The following CDCP1 variants were observed in gnomAD, a reference collection of about 807,000 sequenced individuals.
CDCP1 encodes CUB domain containing protein 1.
In CDCP1, 29 loss-of-function variants were observed where a neutral mutation model predicts 60.2. The observed-to-expected ratio is 0.48, with a 90% CI of 0.36 to 0.66. The LOEUF is 0.66. CDCP1 is among the 30% of genes least tolerant of loss of function. The probability of loss-of-function intolerance (pLI) is 0.00; values close to 1 mark genes in which losing one functional copy is unlikely to be tolerated. For missense variants in CDCP1, 876 were observed against 1,074.3 expected (o/e 0.82, Z 2.58); for synonymous variants, 387 against 431.1 (o/e 0.90, Z 1.27).
intron 1 of CDCP1, among the ~76,000 whole-genome samples, chr3:45,119,269 G>T (rs1345996635): frequency 6.6e-6 from 1 of 152,238 alleles, no homozygotes; most frequent in African/African-American, 2.4e-5. Flanking sequence ...TCAAGCAAGT[G>T]AGGTGGGGGT....
At chr3:45,088,103 A>G (rs1698231130) in intron 8 of CDCP1, among the ~76,000 whole-genome samples, 1 of 152,156 alleles carries the variant, frequency 6.6e-6, no homozygotes, top group South Asian at 2.1e-4. Context: ...CTCTCCCATG[A>G]CTTTAGTCAG....
At chr3:45,096,170 G>T (rs2125991549) in intron 4 of CDCP1, among the ~76,000 whole-genome samples, 1 of 152,340 alleles carries the variant, frequency 6.6e-6, no homozygotes, top group South Asian at 2.1e-4. Context: ...ATTAGTAAAA[G>T]AATGAACTCT....
Position 45,085,720 on chromosome 3 carries a change from T to C in CDCP1, c.2429A>G (p.His810Arg), listed in dbSNP as rs1698177210. 1.9e-6 allele frequency: 3 copies of C among 1,614,136 alleles called. No homozygotes were observed. Among genetic ancestry groups the C allele is most frequent in the Non-Finnish European group, 2.5e-6 (3 of 1,180,030 alleles). Residue 810 changes from histidine to arginine, a missense_variant, in exon 9 of 9, where the codon CAT (histidine) becomes CGT (arginine). Physicochemically the swap from His to Arg is conservative, Grantham distance 29. Around this residue, in one of 2 missense-constraint regions of CDCP1, gnomAD observed 726 missense variants for 935.7 expected, o/e 0.78. Coordinates refer to ENST00000296129, the MANE Select transcript of CDCP1 (RefSeq NM_022842.5). The surrounding 1 kb of genome is among the most constrained non-coding windows in gnomAD (Gnocchi z 4.2). ...GCTGCTTACATCCCCATTGTTGGGA[T>C]GGGAGAAGGTGTACGGTTCACTCTC... ...ESESEPYTFS[H>R]PNNGDVSSKD...
intron 4 of CDCP1, among the ~76,000 whole-genome samples, chr3:45,099,245 T>G (rs1698451912): frequency 6.6e-6 from 1 of 152,156 alleles, no homozygotes; most frequent in East Asian, 1.9e-4. Context: ...ATGTCTTTAT[T>G]CCACCTTCAC....
intron 2 of CDCP1, among the ~76,000 whole-genome samples, chr3:45,116,239 TA>T (rs59177609): frequency 0.011 from 1,562 of 144,482 alleles, 20 homozygotes; most frequent in African/African-American, 0.017. Context: ...ACTGTTCTGT[TA>T]AAAAAAAAAA....
rs775980031 is a variant in CDCP1, at chr3:45,118,558, G to A, written c.146C>T (p.Pro49Leu). The A allele has an allele frequency of 5.6e-6, 9 of 1,613,966 alleles. No homozygotes were observed. The highest frequency in any genetic ancestry group is 1.7e-5 in the Admixed American group (1 of 60,006). Residue 49 changes from proline to leucine, a missense_variant, in exon 2 of 9, where the codon CCG (proline) becomes CTG (leucine). Pro to Leu is a moderately conservative substitution (Grantham distance 98). This residue lies in a region of CDCP1 where 150 missense variants were observed against 138.6 expected (regional missense o/e 1.08). Transcript: ENST00000296129. Reference sequence around the variant, plus strand: ...GTAACAGGGTTTTGCCAGCAGAGTCGGGGTCCCCAGCTTTATGAGAACTGT... The same window carrying A: ...GTAACAGGGTTTTGCCAGCAGAGTCAGGGTCCCCAGCTTTATGAGAACTGT... ...NITVLIKLGT[P>L]TLLAKPCYIV...
At chr3:45,114,413 CTTTTT>C (rs10688307) in intron 2 of CDCP1, among the ~76,000 whole-genome samples, 1 of 143,946 alleles carries the variant, frequency 6.9e-6, no homozygotes, top group Non-Finnish European at 1.5e-5. Context: ...CATTAACTCT[CTTTTT>C]TTTTTTTTTC....
chr3:45,134,187 C>G (rs1015985469), intron 1 of CDCP1, among the ~76,000 whole-genome samples: 1 of 151,358 alleles, frequency 6.6e-6, no homozygotes, highest in South Asian at 2.1e-4. Flanking sequence ...TGCAGTGGTG[C>G]GATCTATGCT....
chr3:45,135,756 C>T (rs1699181344), intron 1 of CDCP1, among the ~76,000 whole-genome samples: 1 of 152,094 alleles, frequency 6.6e-6, no homozygotes, highest in African/African-American at 2.4e-5. Context: ...AATATTTTGT[C>T]CTCCTCTTTC....
At chr3:45,132,025 G>A (rs1375735033) in intron 1 of CDCP1, among the ~76,000 whole-genome samples, 1 of 152,140 alleles carries the variant, frequency 6.6e-6, no homozygotes, top group East Asian at 1.9e-4. Context: ...TCTGAGGTCA[G>A]GAGTTCGAGA....
At chr3:45,141,471 T>C (rs1699289538) in intron 1 of CDCP1, among the ~76,000 whole-genome samples, 1 of 152,212 alleles carries the variant, frequency 6.6e-6, no homozygotes, top group African/African-American at 2.4e-5. Context: ...TTTTCCCACA[T>C]AAAATAATGG....
At position 45,085,571 on chromosome 3, in the gene CDCP1, G is replaced by C; in HGVS notation, c.*67C>G. ...TCCTCTTCTTTAGGATTTCTGGTTA[G>C]GAACACGGACGGGTGTCTCAGTGCC... On this transcript the variant is annotated 3_prime_UTR_variant, in exon 9 of 9. Coordinates refer to ENST00000296129, the MANE Select transcript of CDCP1 (RefSeq NM_022842.5). The surrounding 1 kb of genome is among the most constrained non-coding windows in gnomAD (Gnocchi z 4.2). 1 of 1,474,960 alleles carries C rather than the reference G, an allele frequency of 6.8e-7. No individual in the cohort carries two copies. The highest frequency in any genetic ancestry group is 9.2e-7 in the Non-Finnish European group (1 of 1,088,246). The allele number at this position is 1,474,960 out of a possible 1,614,324, so 91.4% of individuals were successfully genotyped here.
intron 5 of CDCP1, among the ~76,000 whole-genome samples, chr3:45,094,368 G>A (rs1698359663): frequency 6.6e-6 from 1 of 152,070 alleles, no homozygotes; most frequent in African/African-American, 2.4e-5. Flanking sequence ...TAGGATTACA[G>A]GCACCCAACA....
intron 1 of CDCP1, among the ~76,000 whole-genome samples, chr3:45,145,492 G>A (rs1009289507): frequency 6.6e-6 from 1 of 152,092 alleles, no homozygotes; most frequent in Admixed American, 6.5e-5. Context: ...ACATATCCCC[G>A]GAACAACAGC....
At chr3:45,120,720 TC>T (rs1281447334) in intron 1 of CDCP1, among the ~76,000 whole-genome samples, 1 of 152,212 alleles carries the variant, frequency 6.6e-6, no homozygotes, top group Non-Finnish European at 1.5e-5. Context: ...GTCACTGTGT[TC>T]AGGCCAGTCT....
At chr3:45,092,303 T>C (rs1217586119) in intron 6 of CDCP1, among the ~76,000 whole-genome samples, 2 of 152,240 alleles carry the variant, frequency 1.3e-5, no homozygotes, top group Admixed American at 6.5e-5. Flanking sequence ...TATTCATCTA[T>C]TGCCCTCTCC....
At chr3:45,128,994 G>A (rs1699045193) in intron 1 of CDCP1, among the ~76,000 whole-genome samples, 1 of 152,236 alleles carries the variant, frequency 6.6e-6, no homozygotes, top group Non-Finnish European at 1.5e-5. Context: ...TGGGATTACA[G>A]GCGTGAGACA....
At position 45,084,944 on chromosome 3, in the gene CDCP1, C is replaced by T. The variant is rs779408049; in HGVS notation, c.*694G>A. The stretch of plus-strand genomic sequence containing the variant: ...TTTCCACAATGGGATAACCACGAAC[C>T]GACCTAGAGAATCAGGAAGTCTCTT... On this transcript the variant is annotated 3_prime_UTR_variant, in exon 9 of 9. Transcript: ENST00000296129. 1.3e-5 allele frequency: 2 copies of T among 152,692 alleles called. No homozygotes were observed. Among genetic ancestry groups the T allele is most frequent in the African/African-American group, 4.8e-5 (2 of 41,546 alleles). 9.5% of individuals were successfully genotyped at this position (152,692 alleles called of 1,614,324 possible).
rs1291579061 is a variant in CDCP1 at position 45,093,283 on chromosome 3, A to G, written c.1621T>C (p.Phe541Leu). Residue 541 changes from phenylalanine (F) to leucine (L), a missense_variant, in exon 6 of 9, where the codon TTC (phenylalanine) becomes CTC (leucine). Phe to Leu is a conservative substitution (Grantham distance 22). This residue lies in a region of CDCP1 where 726 missense variants were observed against 935.7 expected (regional missense o/e 0.78). Coordinates refer to ENST00000296129, the MANE Select transcript of CDCP1 (RefSeq NM_022842.5). ...QGLTVSFIPY[F>L]KEEGVFTVTP... ...TAGGGGAGACCCCCCTTACCTTTGA[A>G]ATAAGGTATAAAGGACACCGTCAGA... The G allele has an allele frequency of 6.2e-7, 1 of 1,612,998 alleles. No homozygotes were observed. Among genetic ancestry groups the G allele is most frequent in the Non-Finnish European group, 8.5e-7 (1 of 1,179,254 alleles).
Sources: allele counts gnomAD v4.1 joint callset (sites outside exome capture counted in the v4.1 genomes callset), GRCh38; gene constraint gnomAD v4.1.1; regional missense constraint gnomAD v4.1.1; non-coding constraint Gnocchi (gnomAD v3.1); transcripts MANE v1.5; gene names NCBI Gene and HGNC (gene_info 2026-07-23, HGNC 2026-07-21).